The following LARS2 variants were observed in gnomAD, a reference collection of about 807,000 sequenced individuals.
The protein encoded by LARS2 is leucyl-tRNA synthetase 2, mitochondrial.
Under a neutral mutation model 116.6 loss-of-function variants are expected in LARS2, and 81 were observed. The observed-to-expected ratio is 0.69, with a 90% CI of 0.58 to 0.84. LARS2 has a LOEUF of 0.84. Among genes scored for constraint, LARS2 ranks in the 40% least tolerant of loss-of-function variants. The pLI is 0.00. For synonymous variants in LARS2, 396 were observed against 407.2 expected, an observed-to-expected ratio of 0.97 and a Z score of 0.33; for missense variants, 968 against 1,114.5, an observed-to-expected ratio of 0.87 and a Z score of 1.87.
chr3:45,400,498 G>A lies in LARS2; in HGVS notation c.363+125G>A, dbSNP rs1416158295. On this transcript the variant is annotated intron_variant, in intron 4 of 21. Transcript: ENST00000645846. The stretch of plus-strand genomic sequence containing the variant: ...TAAGATTAGGACAGCTTTGAAGATG[G>A]ACATGAAAAGCTCAGTGTTTCCTTT... 9 of 872,148 alleles carry A rather than the reference G, an allele frequency of 1.0e-5. No homozygotes were observed. In the Middle Eastern group the frequency reaches 1.1e-3, roughly 104 times the overall value. 54.0% of individuals were successfully genotyped at this position (872,148 alleles called of 1,614,324 possible).
intron 20 of LARS2, among the ~76,000 whole-genome samples, chr3:45,531,010 C>G (rs1700606427): frequency 6.6e-6 from 1 of 152,192 alleles, no homozygotes; most frequent in Non-Finnish European, 1.5e-5. Context: ...AGCTCATGGT[C>G]TGTCTCAAGT....
chr3:45,418,557 G>A (rs1453324233), intron 5 of LARS2, among the ~76,000 whole-genome samples: 1 of 152,240 alleles, frequency 6.6e-6, no homozygotes, highest in East Asian at 1.9e-4. Flanking sequence ...ACTACGGCCT[G>A]TGGGCTAAAT....
chr3:45,490,049 G>C (rs1315002112), intron 12 of LARS2, among the ~76,000 whole-genome samples: 3 of 152,176 alleles, frequency 2.0e-5, no homozygotes, highest in East Asian at 3.8e-4. Flanking sequence ...AGGAATAATG[G>C]TCAGGTTTTC....
chr3:45,536,945 A>G (rs1700715901), intron 20 of LARS2, among the ~76,000 whole-genome samples: 1 of 152,030 alleles, frequency 6.6e-6, no homozygotes, highest in Non-Finnish European at 1.5e-5. Flanking sequence ...ACACTATTCC[A>G]TTCTTTTTTT....
intron 4 of LARS2, among the ~76,000 whole-genome samples, chr3:45,403,911 T>G (rs1224632559): frequency 6.6e-6 from 1 of 152,176 alleles, no homozygotes; most frequent in African/African-American, 2.4e-5. Context: ...ATCTTTAACA[T>G]AGGGATAACA....
intron 20 of LARS2, among the ~76,000 whole-genome samples, chr3:45,529,032 C>A (rs1020947617): frequency 1.3e-5 from 2 of 152,050 alleles, no homozygotes; most frequent in East Asian, 3.9e-4. Flanking sequence ...CCACGCCTGG[C>A]TAATTTTTGT....
chr3:45,441,023 C>T (rs1170778166), intron 6 of LARS2, among the ~76,000 whole-genome samples: 1 of 87,108 alleles, frequency 1.1e-5, no homozygotes, highest in African/African-American at 3.6e-5. Flanking sequence ...ATCACACACT[C>T]TTTTTTTTTT....
chr3:45,523,929 T>TA, intron 19 of LARS2, 68 bp from the exon 20 acceptor site: 1 of 1,149,150 alleles, frequency 8.7e-7, no homozygotes, highest in East Asian at 2.4e-5. Context: ...TCAGATACAT[T>TA]AATGGTCTTT....
At chr3:45,440,954 G>C (rs1466897288) in intron 6 of LARS2, among the ~76,000 whole-genome samples, 1 of 111,710 alleles carries the variant, frequency 9.0e-6, no homozygotes, top group Non-Finnish European at 2.1e-5. Context: ...TAGGCTGATG[G>C]GTACATCAGC....
At chr3:45,489,840 A>G (rs1250451276) in intron 12 of LARS2, among the ~76,000 whole-genome samples, 1 of 152,136 alleles carries the variant, frequency 6.6e-6, no homozygotes, top group Non-Finnish European at 1.5e-5. Context: ...TAGTGTTCAG[A>G]GCTCCCTAGT....
At chr3:45,405,390 A>G (rs1004479125) in intron 4 of LARS2, among the ~76,000 whole-genome samples, 25 of 152,258 alleles carry the variant, frequency 1.6e-4, no homozygotes, top group African/African-American at 6.0e-4. Context: ...ATAATCTGAT[A>G]AGCCTCAACT....
chr3:45,442,351 A>G (rs761160976), intron 6 of LARS2, among the ~76,000 whole-genome samples: 1 of 152,180 alleles, frequency 6.6e-6, no homozygotes, highest in Non-Finnish European at 1.5e-5. Context: ...GCAGATTCTC[A>G]TAGATGATCT....
chr3:45,486,490 A>G (rs890875454), intron 11 of LARS2, among the ~76,000 whole-genome samples: 3 of 152,226 alleles, frequency 2.0e-5, no homozygotes. Context: ...TGCATTTTTC[A>G]TTCCAACATT....
At chr3:45,416,202 T>C (rs9311368) in intron 4 of LARS2, among the ~76,000 whole-genome samples, 70,281 of 150,474 alleles carry the variant, frequency 0.47, 17,594 homozygotes, top group Non-Finnish European at 0.58. Context: ...GCAGGAGAAT[T>C]GCTTGAACCC....
At chr3:45,438,488 A>G (rs1172607565) in intron 6 of LARS2, among the ~76,000 whole-genome samples, 1 of 151,966 alleles carries the variant, frequency 6.6e-6, no homozygotes, top group African/African-American at 2.4e-5. Context: ...AGAGGCAGGC[A>G]TGGTGAGTGC....
chr3:45,460,661 A>G (rs749665102), intron 8 of LARS2, among the ~76,000 whole-genome samples: 1 of 152,188 alleles, frequency 6.6e-6, no homozygotes, highest in Non-Finnish European at 1.5e-5. Context: ...GAAGAGGGAG[A>G]GTAAGACTCC....
At chr3:45,503,809 T>TA (rs1700158453) in intron 15 of LARS2, among the ~76,000 whole-genome samples, 2 of 151,790 alleles carry the variant, frequency 1.3e-5, no homozygotes, top group East Asian at 1.9e-4. Context: ...GTTGACAATT[T>TA]AAAAAAAAGT....
rs760150161 is a variant in LARS2 at position 45,476,524 on chromosome 3, C to T, written c.915C>T (p.Ala305=). 2.4e-5 allele frequency: 38 copies of T among 1,614,094 alleles called. No homozygotes were observed. The highest frequency in any genetic ancestry group is 3.1e-5 in the Non-Finnish European group (36 of 1,180,030). The stretch of plus-strand genomic sequence containing the variant: ...CTGCCTATACGGCCACCCCTGAAGC[C>T]ATTTATGGCACCTCCCACGTGGCCA... The part of the protein sequence containing the change: ...KLTAYTATPE[A]IYGTSHVAIS... The change falls in exon 10 of 22, where the codon GCC becomes GCT. Residue 305 remains alanine (A), a synonymous_variant. Coordinates refer to ENST00000645846, the MANE Select transcript of LARS2 (RefSeq NM_015340.4).
intron 17 of LARS2, 149 bp downstream of exon 17, chr3:45,516,425 C>T: frequency 1.4e-6 from 1 of 700,658 alleles, no homozygotes; most frequent in South Asian, 1.9e-5. Flanking sequence ...TGACCAGCAT[C>T]CTGCACCACT....
Sources: gnomAD v4.1 joint callset for allele counts (sites outside exome capture counted in the v4.1 genomes callset) on GRCh38, gnomAD v4.1.1 for gene constraint, MANE v1.5 for transcripts, NCBI Gene and HGNC (gene_info 2026-07-23, HGNC 2026-07-21) for gene names.